The following HS3ST4 variants were observed in gnomAD, a reference collection of about 807,000 sequenced individuals.
The protein encoded by HS3ST4 is heparan sulfate glucosamine 3-O-sulfotransferase 4.
Under a neutral mutation model 29.2 loss-of-function variants are expected in HS3ST4, and 17 were observed. The observed-to-expected ratio is 0.58, with a 90% CI of 0.40 to 0.87. The LOEUF (loss-of-function observed/expected upper bound fraction) is 0.87. HS3ST4 is among the 40% of genes least tolerant of loss of function. The pLI, the probability that HS3ST4 is intolerant of heterozygous loss-of-function variation, is 0.00. For missense variants in HS3ST4, 627 were observed against 634.5 expected (o/e 0.99, Z 0.13); for synonymous variants, 314 against 285.7 (o/e 1.10, Z -1.00).
intron 1 of HS3ST4, among the ~76,000 whole-genome samples, chr16:25,976,816 C>A (rs991374583): frequency 1.3e-5 from 2 of 152,198 alleles, no homozygotes; most frequent in Non-Finnish European, 2.9e-5. Flanking sequence ...ACCATTCCAA[C>A]AACTCAACTC....
intron 1 of HS3ST4, among the ~76,000 whole-genome samples, chr16:25,914,497 G>T (rs1968272552): frequency 6.6e-6 from 1 of 151,488 alleles, no homozygotes; most frequent in African/African-American, 2.4e-5. Flanking sequence ...ATGTACATGT[G>T]TGGGGGGAGG....
At chr16:25,886,792 C>T (rs1967958509) in intron 1 of HS3ST4, 1 of 152,192 alleles carries the variant, frequency 6.6e-6, no homozygotes, top group Admixed American at 6.5e-5. Flanking sequence ...AGGGGTGAGA[C>T]AAGAGGTGGG....
At chr16:25,721,836 C>A (rs1966498619) in intron 1 of HS3ST4, among the ~76,000 whole-genome samples, 1 of 152,204 alleles carries the variant, frequency 6.6e-6, no homozygotes, top group Admixed American at 6.5e-5. Context: ...TGTCTGGCAA[C>A]CTCTGTTCCT....
Position 25,859,552 on chromosome 16 carries a change from A to G in HS3ST4, c.734+166401A>G, listed in dbSNP as rs372415895. On this transcript the variant is annotated intron_variant, in intron 1 of 1. Transcript: ENST00000331351. ...CTGTGAAATAACAAGACTAAATTAC[A>G]TAGTCTGTGCTGAGAATATCTGCCC... is the stretch of plus-strand genomic sequence containing the variant. Among the ~76,000 whole-genome samples the G allele has an allele frequency of 1.2e-4, 19 of 152,336 alleles. 1 individual carries two copies. The East Asian group carries it at 2.5e-3, about 20-fold the overall frequency.
rs145537275 is a variant in HS3ST4 at position 25,874,682 on chromosome 16, C to A, written c.734+181531C>A. On this transcript the variant is annotated intron_variant, in intron 1 of 1. Coordinates refer to ENST00000331351, the MANE Select transcript of HS3ST4 (RefSeq NM_006040.3). The stretch of plus-strand genomic sequence containing the variant: ...TTCCATCCAGAAAATGTTTAATGAG[C>A]CTCTGACTTCTGTTTATTCATAGAT... 1.9e-3 allele frequency among the ~76,000 whole-genome samples: 289 copies of A among 152,248 alleles called. 1 individual carries two copies. Among genetic ancestry groups the A allele is most frequent in the Middle Eastern group, 6.8e-3 (2 of 294 alleles).
intron 1 of HS3ST4, among the ~76,000 whole-genome samples, chr16:26,009,141 A>G (rs1969286329): frequency 6.6e-6 from 1 of 151,992 alleles, no homozygotes; most frequent in Admixed American, 6.6e-5. Context: ...CTTAATTAAT[A>G]TTTCCCTTTC....
intron 1 of HS3ST4, among the ~76,000 whole-genome samples, chr16:26,063,524 A>G (rs1166011259): frequency 6.6e-6 from 1 of 151,724 alleles, no homozygotes; most frequent in South Asian, 2.1e-4. Context: ...TGAAAAAAAA[A>G]AAAAAGAAAA....
At position 25,926,009 on chromosome 16, in the gene HS3ST4, T is replaced by G. The variant is rs545250389; in HGVS notation, c.735-209603T>G. Among the ~76,000 whole-genome samples the G allele has an allele frequency of 6.6e-5, 10 of 152,198 alleles. No homozygotes were observed. The South Asian group carries it at 1.9e-3, about 28-fold the overall frequency. ...TCCTTCCTATCTGTATAGTGAATAT[T>G]AACCATCCTGAAGGGTTGGTTGAAA... is the stretch of plus-strand genomic sequence containing the variant. On this transcript the variant is annotated intron_variant, in intron 1 of 1. Transcript: ENST00000331351.
At chr16:25,906,283 C>A (rs192197285) in intron 1 of HS3ST4, among the ~76,000 whole-genome samples, 123 of 152,196 alleles carry the variant, frequency 8.1e-4, no homozygotes, top group African/African-American at 2.8e-3. Flanking sequence ...TTTGAGGACC[C>A]TCCTTCATAA....
chr16:26,011,676 T>G (rs1012464569), intron 1 of HS3ST4, among the ~76,000 whole-genome samples: 27 of 133,436 alleles, frequency 2.0e-4, no homozygotes, highest in Non-Finnish European at 3.4e-4. Flanking sequence ...AGGTATATGT[T>G]TGTGTGTGTG....
At chr16:25,769,684 G>A (rs1035345925) in intron 1 of HS3ST4, among the ~76,000 whole-genome samples, 3 of 152,170 alleles carry the variant, frequency 2.0e-5, no homozygotes. Context: ...ATATTTAGCT[G>A]TTAGTACTTG....
chr16:25,774,489 C>A (rs1390977146), intron 1 of HS3ST4, among the ~76,000 whole-genome samples: 1 of 152,238 alleles, frequency 6.6e-6, no homozygotes, highest in East Asian at 1.9e-4. Flanking sequence ...CTTGCTACAG[C>A]AATGGTGGTT....
intron 1 of HS3ST4, among the ~76,000 whole-genome samples, chr16:25,975,117 A>G (rs1448765577): frequency 2.0e-5 from 3 of 152,184 alleles, no homozygotes; most frequent in Non-Finnish European, 4.4e-5. Flanking sequence ...GCTGTAAAAA[A>G]GAATGAAATC....
intron 1 of HS3ST4, among the ~76,000 whole-genome samples, chr16:25,992,000 G>A (rs562077879): frequency 2.0e-5 from 3 of 152,066 alleles, no homozygotes; most frequent in Non-Finnish European, 4.4e-5. Flanking sequence ...CGGCCTGGGC[G>A]ACAGAGCGAG....
intron 1 of HS3ST4, among the ~76,000 whole-genome samples, chr16:26,077,829 A>C (rs899385347): frequency 1.3e-5 from 2 of 152,374 alleles, no homozygotes; most frequent in African/African-American, 4.8e-5. Context: ...CCAACACTTT[A>C]GGAATCTGAA....
chr16:25,987,569 G>T (rs1392484543), intron 1 of HS3ST4, among the ~76,000 whole-genome samples: 1 of 152,132 alleles, frequency 6.6e-6, no homozygotes, highest in Non-Finnish European at 1.5e-5. Flanking sequence ...GGCCTCTGAA[G>T]CTGGTGCTCT....
chr16:25,692,500 A>G lies in HS3ST4; in HGVS notation c.83A>G (p.Lys28Arg). 1 of 1,405,682 alleles carries G rather than the reference A, an allele frequency of 7.1e-7. No homozygotes were observed. Among genetic ancestry groups the G allele is most frequent in the Non-Finnish European group, 9.4e-7 (1 of 1,066,534 alleles). 87.1% of individuals were successfully genotyped at this position (1,405,682 alleles called of 1,614,324 possible). Residue 28 changes from lysine (K) to arginine (R), a missense_variant, in exon 1 of 2, where the codon AAG becomes AGG. Physicochemically the swap from Lys to Arg is conservative, Grantham distance 26. Around this residue, in one of 2 missense-constraint regions of HS3ST4, gnomAD observed 402 missense variants for 340.8 expected, o/e 1.18. Transcript: ENST00000331351. ...CCGCCGCCGCCCGGCGCCTCTGCTA[A>G]GGGGCCGCCGGCGCGCAAGCTGCTT... is the stretch of plus-strand genomic sequence containing the variant. ...AAPPPPGASA[K>R]GPPARKLLFM...
At chr16:25,974,729 C>A (rs184469563) in intron 1 of HS3ST4, among the ~76,000 whole-genome samples, 1 of 152,244 alleles carries the variant, frequency 6.6e-6, no homozygotes, top group Admixed American at 6.5e-5. Flanking sequence ...TCTTTATTTT[C>A]TGAATTTTCT....
At chr16:25,904,464 A>G (rs1315006531) in intron 1 of HS3ST4, among the ~76,000 whole-genome samples, 1 of 152,214 alleles carries the variant, frequency 6.6e-6, no homozygotes, top group African/African-American at 2.4e-5. Flanking sequence ...GAGCTGCCAG[A>G]GGTGAGATTA....
Sources: allele counts gnomAD v4.1 joint callset (sites outside exome capture counted in the v4.1 genomes callset), GRCh38; gene constraint gnomAD v4.1.1; regional missense constraint gnomAD v4.1.1; transcripts MANE v1.5; gene names NCBI Gene and HGNC (gene_info 2026-07-23, HGNC 2026-07-21).